The following FRMD4A variants were observed in gnomAD, a reference collection of about 807,000 sequenced individuals.
FRMD4A encodes the protein FERM domain containing 4A.
FRMD4A carries 29 observed loss-of-function variants against 129.1 expected under a neutral mutation model. The ratio of observed to expected loss-of-function variants is 0.22; its 90% CI spans 0.17 to 0.31. The LOEUF is 0.31. FRMD4A is among the 10% of genes least tolerant of loss of function. FRMD4A has a pLI of 1.00. For synonymous variants in FRMD4A, 634 were observed against 571.6 expected (o/e 1.11, Z -1.56); for missense variants, 1,272 against 1,375.8 (o/e 0.92, Z 1.19).
chr10:13,737,552 T>C (rs1280157155), intron 12 of FRMD4A, among the ~76,000 whole-genome samples: 2 of 152,118 alleles, frequency 1.3e-5, no homozygotes, highest in African/African-American at 2.4e-5. Flanking sequence ...AGGAACAGGA[T>C]AGTCCCTCAA....
At chr10:14,017,405 C>T (rs1193426512) in intron 2 of FRMD4A, among the ~76,000 whole-genome samples, 1 of 152,186 alleles carries the variant, frequency 6.6e-6, no homozygotes, top group Non-Finnish European at 1.5e-5. Flanking sequence ...ATATAAATAA[C>T]GTCCTTATCT....
At chr10:13,795,555 T>C (rs2093097153) in intron 5 of FRMD4A, among the ~76,000 whole-genome samples, 1 of 152,210 alleles carries the variant, frequency 6.6e-6, no homozygotes, top group African/African-American at 2.4e-5. Flanking sequence ...TGCATATCAT[T>C]TGTATCTCGC....
In FRMD4A at chr10:13,864,796, C is replaced by T. The variant is rs139560255; in HGVS notation, c.46-5884G>A. Among the ~76,000 whole-genome samples the T allele has an allele frequency of 6.9e-3, 1,043 of 151,972 alleles. 6 individuals are homozygous for T. The highest frequency in any genetic ancestry group is 0.018 in the African/African-American group (734 of 41,470). ...TTCACCATGTTGGCCAGGCTGGTCT[C>T]GAACTCCTGACCTCAGGTGATCCAC... is the stretch of plus-strand genomic sequence containing the variant. On this transcript the variant is annotated intron_variant, in intron 2 of 24. Transcript: ENST00000357447.
At chr10:13,755,641 T>C (rs932168072) in intron 8 of FRMD4A, among the ~76,000 whole-genome samples, 6 of 152,228 alleles carry the variant, frequency 3.9e-5, no homozygotes, top group African/African-American at 4.8e-5. Flanking sequence ...TTTGTTTCCA[T>C]TGATTGGGTG....
At chr10:13,677,952 T>C (rs1425627881) in intron 15 of FRMD4A, among the ~76,000 whole-genome samples, 1 of 152,206 alleles carries the variant, frequency 6.6e-6, no homozygotes, top group African/African-American at 2.4e-5. Flanking sequence ...CTTTCACCCC[T>C]GCCTAACCTC....
At chr10:14,195,936 A>G (rs1011653295) in intron 2 of FRMD4A, among the ~76,000 whole-genome samples, 1 of 152,238 alleles carries the variant, frequency 6.6e-6, no homozygotes, top group African/African-American at 2.4e-5. Context: ...CGACACTCTG[A>G]AAAGTTTTGT....
At chr10:13,990,729 C>G (rs1470030329) in intron 2 of FRMD4A, among the ~76,000 whole-genome samples, 1 of 152,154 alleles carries the variant, frequency 6.6e-6, no homozygotes, top group Non-Finnish European at 1.5e-5. Context: ...TCTCCGATCT[C>G]CAGATCGGAA....
intron 23 of FRMD4A, chr10:13,654,179 C>G: frequency 1.7e-6 from 1 of 576,052 alleles, no homozygotes; most frequent in East Asian, 2.9e-5. Flanking sequence ...TCCCCACATC[C>G]CAAGGACCAC....
At chr10:14,047,239 G>C (rs1834027466) in intron 2 of FRMD4A, among the ~76,000 whole-genome samples, 1 of 152,150 alleles carries the variant, frequency 6.6e-6, no homozygotes, top group Non-Finnish European at 1.5e-5. Flanking sequence ...TGATGGTCTT[G>C]CTTGGTGGAA....
chr10:14,287,281 T>C (rs985081672), intron 2 of FRMD4A, among the ~76,000 whole-genome samples: 6 of 152,172 alleles, frequency 3.9e-5, no homozygotes, highest in Admixed American at 3.9e-4. Context: ...ACTGATCCCA[T>C]TGCTGAGATT....
chr10:14,047,324 T>C (rs1400848434), intron 2 of FRMD4A, among the ~76,000 whole-genome samples: 2 of 152,172 alleles, frequency 1.3e-5, no homozygotes, highest in South Asian at 4.1e-4. Flanking sequence ...AATCGGCTGG[T>C]ACCTCACAGT....
At chr10:13,714,908 T>A (rs1307904567) in intron 12 of FRMD4A, among the ~76,000 whole-genome samples, 2 of 151,988 alleles carry the variant, frequency 1.3e-5, no homozygotes, top group African/African-American at 4.8e-5. Context: ...GCGTGGTGGC[T>A]CACGCCTGTA....
chr10:14,041,323 A>G lies in FRMD4A; in HGVS notation c.46-182411T>C, dbSNP rs146452714. ...CTTTTTTCAAAAGGCGTTTCTCATG[A>G]CATTCTTCAAAAAGCTTTGCTTTGT... On this transcript the variant is annotated intron_variant, in intron 2 of 24. Transcript: ENST00000357447. Among the ~76,000 whole-genome samples, 501 of 152,320 alleles carry G rather than the reference A, an allele frequency of 3.3e-3. 4 individuals are homozygous for G. Among genetic ancestry groups the G allele is most frequent in the African/African-American group, 0.012 (485 of 41,572 alleles).
intron 2 of FRMD4A, among the ~76,000 whole-genome samples, chr10:13,968,577 C>G (rs150311004): frequency 1.3e-5 from 2 of 152,154 alleles, no homozygotes; most frequent in Non-Finnish European, 2.9e-5. Flanking sequence ...CTCAGCCTCC[C>G]GAGTACCTGG....
intron 2 of FRMD4A, among the ~76,000 whole-genome samples, chr10:14,208,300 C>G (rs1291562945): frequency 6.6e-6 from 1 of 152,126 alleles, no homozygotes; most frequent in Non-Finnish European, 1.5e-5. Context: ...GATGTAACTG[C>G]TGAGGGATAA....
At chr10:14,055,462 A>AACACACACAC (rs71388155) in intron 2 of FRMD4A, among the ~76,000 whole-genome samples, 23 of 77,430 alleles carry the variant, frequency 3.0e-4, no homozygotes, top group African/African-American at 1.3e-3. Context: ...CACACACACA[A>AACACACACAC]ACACACACAC....
intron 2 of FRMD4A, among the ~76,000 whole-genome samples, chr10:13,895,064 A>G (rs146261078): frequency 6.6e-6 from 1 of 152,246 alleles, no homozygotes. Flanking sequence ...TGGCTGAATA[A>G]GCATAAACCT....
At chr10:14,029,255 G>T (rs146194317) in intron 2 of FRMD4A, among the ~76,000 whole-genome samples, 33 of 152,244 alleles carry the variant, frequency 2.2e-4, no homozygotes, top group African/African-American at 7.9e-4. Context: ...AGAAGTCTCG[G>T]TGGTGGGGTG....
At chr10:14,294,739 G>A (rs1335158096) in intron 2 of FRMD4A, among the ~76,000 whole-genome samples, 2 of 152,180 alleles carry the variant, frequency 1.3e-5, no homozygotes, top group African/African-American at 2.4e-5. Context: ...AGCAAGATTC[G>A]CTACCACGAT....
Sources: allele counts gnomAD v4.1 joint callset (sites outside exome capture counted in the v4.1 genomes callset), GRCh38; gene constraint gnomAD v4.1.1; transcripts MANE v1.5; gene names NCBI Gene and HGNC (gene_info 2026-07-23, HGNC 2026-07-21).